SLC25A20: variants seen among roughly 807,000 people sequenced by gnomAD.
The protein encoded by SLC25A20 is mitochondrial carnitine/acylcarnitine carrier protein.
SLC25A20 carries 29 observed loss-of-function variants against 39.7 expected under a neutral mutation model. The observed-to-expected ratio is 0.73, with a 90% CI of 0.54 to 1.00. The LOEUF (loss-of-function observed/expected upper bound fraction) is 1.00. Ranked by LOEUF, SLC25A20 falls within the 50% of genes least tolerant of loss-of-function variation. SLC25A20 has a pLI of 0.00. For missense variants in SLC25A20, 333 were observed against 379.9 expected (o/e 0.88, Z 1.03); for synonymous variants, 103 against 142.2 (o/e 0.72, Z 1.96).
At chr3:48,897,076 CT>C (rs11390016) in intron 1 of SLC25A20, among the ~76,000 whole-genome samples, 67 of 129,542 alleles carry the variant, frequency 5.2e-4, no homozygotes, top group Middle Eastern at 4.1e-3. Flanking sequence ...TCTTCTTCTC[CT>C]TTTTTTTTTT....
chr3:48,871,215 T>C (rs186092757), intron 4 of SLC25A20, among the ~76,000 whole-genome samples: 8 of 152,142 alleles, frequency 5.3e-5, no homozygotes, highest in East Asian at 3.9e-4. Context: ...TCTGCCCGAA[T>C]TGATCTGTAC....
In SLC25A20 at chr3:48,898,550, T is replaced by G. The variant is rs2083926550; in HGVS notation, c.105+140A>C. On this transcript the variant is annotated intron_variant, in intron 1 of 8. Transcript: ENST00000319017. ...CAAGGTACAGCTTCCTGCCCACCCC[T>G]GAAAGAGAGATTCCCTAGACTTCTC... 5.8e-6 allele frequency: 5 copies of G among 867,942 alleles called. No homozygotes were observed. In the South Asian group the frequency reaches 7.2e-5, roughly 12 times the overall value. The allele number at this position is 867,942 out of a possible 1,614,324, so 53.8% of individuals were successfully genotyped here.
chr3:48,885,378 T>C (rs2083822417), intron 2 of SLC25A20, among the ~76,000 whole-genome samples: 1 of 151,976 alleles, frequency 6.6e-6, no homozygotes, highest in African/African-American at 2.4e-5. Context: ...ACGAGGAAGA[T>C]TCAGGACCTG....
chr3:48,858,812 T>A, intron 7 of SLC25A20, 181 bp from the exon 8 acceptor site: 1 of 777,910 alleles, frequency 1.3e-6, no homozygotes, highest in South Asian at 1.6e-5. Context: ...GCCAAGGGAA[T>A]AGAAACGAGG....
chr3:48,863,534 C>T (rs2083642462), intron 4 of SLC25A20, among the ~76,000 whole-genome samples: 1 of 152,152 alleles, frequency 6.6e-6, no homozygotes, highest in Non-Finnish European at 1.5e-5. Context: ...ATCTGAAAGA[C>T]AGCTCCATGC....
intron 3 of SLC25A20, among the ~76,000 whole-genome samples, chr3:48,880,728 C>T (rs1005571656): frequency 1.3e-5 from 2 of 151,490 alleles, no homozygotes; most frequent in African/African-American, 4.8e-5. Context: ...ACAGGCAAGC[C>T]GGGCTAATTT....
chr3:48,886,230 A>G (rs2106660456), intron 2 of SLC25A20, among the ~76,000 whole-genome samples: 1 of 152,250 alleles, frequency 6.6e-6, no homozygotes, highest in East Asian at 1.9e-4. Flanking sequence ...AATGTATAAA[A>G]TATAATAGTA....
At chr3:48,860,872 C>T (rs183627937) in intron 5 of SLC25A20, among the ~76,000 whole-genome samples, 4 of 146,264 alleles carry the variant, frequency 2.7e-5, no homozygotes, top group Admixed American at 1.4e-4. Context: ...CTCGCTCTCT[C>T]GCCCAGGCTG....
intron 4 of SLC25A20, among the ~76,000 whole-genome samples, chr3:48,877,399 C>T (rs559251709): frequency 6.6e-6 from 1 of 150,626 alleles, no homozygotes; most frequent in East Asian, 2.0e-4. Flanking sequence ...CCAGCCTGGG[C>T]AACAAGAGCG....
chr3:48,867,306 C>A (rs1288988329), intron 4 of SLC25A20, among the ~76,000 whole-genome samples: 1 of 151,358 alleles, frequency 6.6e-6, no homozygotes, highest in Non-Finnish European at 1.5e-5. Flanking sequence ...AGTGCAGTGG[C>A]GAGATCTCGG....
chr3:48,872,451 T>G (rs1365821090), intron 4 of SLC25A20, among the ~76,000 whole-genome samples: 1 of 151,256 alleles, frequency 6.6e-6, no homozygotes, highest in East Asian at 1.9e-4. Flanking sequence ...TTTTAAAAGG[T>G]GCAAACACAG....
intron 4 of SLC25A20, among the ~76,000 whole-genome samples, chr3:48,863,770 A>G (rs2083644144): frequency 1.3e-5 from 2 of 152,246 alleles, no homozygotes; most frequent in South Asian, 4.1e-4. Flanking sequence ...TAATCCCAGC[A>G]CTTTGGGAGG....
intron 1 of SLC25A20, chr3:48,895,933 A>C (rs2106669719): frequency 2.9e-6 from 1 of 345,670 alleles, no homozygotes; most frequent in Admixed American, 3.3e-5. Context: ...TGAGGCCACG[A>C]GTTTGAGACC....
intron 4 of SLC25A20, among the ~76,000 whole-genome samples, chr3:48,870,678 TA>T (rs1559666404): frequency 6.6e-6 from 1 of 150,522 alleles, no homozygotes. Context: ...CATGCCCAGC[TA>T]ATTTTTTTTT....
At chr3:48,884,744 G>A (rs1049585990) in intron 2 of SLC25A20, among the ~76,000 whole-genome samples, 2 of 152,020 alleles carry the variant, frequency 1.3e-5, no homozygotes, top group African/African-American at 4.8e-5. Context: ...ATACTCAGAG[G>A]TGTAAAAAGA....
At chr3:48,888,615 A>G (rs2083851984) in intron 2 of SLC25A20, among the ~76,000 whole-genome samples, 3 of 150,788 alleles carry the variant, frequency 2.0e-5, no homozygotes, top group South Asian at 4.1e-4. Flanking sequence ...ATAAATAAAT[A>G]GTTTAAAAAG....
chr3:48,890,981 T>C (rs1362919049), intron 2 of SLC25A20, among the ~76,000 whole-genome samples: 1 of 151,164 alleles, frequency 6.6e-6, no homozygotes, highest in Non-Finnish European at 1.5e-5. Flanking sequence ...TCAATAAATA[T>C]CAGCGCGCCC....
intron 4 of SLC25A20, among the ~76,000 whole-genome samples, chr3:48,865,488 G>A (rs1267799730): frequency 2.0e-5 from 3 of 151,512 alleles, no homozygotes; most frequent in Admixed American, 6.6e-5. Flanking sequence ...AAGGCTGGGT[G>A]CGGTGACTTA....
intron 2 of SLC25A20, among the ~76,000 whole-genome samples, chr3:48,888,570 AAAATAAATAAATAAATAAATAAAT>A (rs35871910): frequency 7.0e-6 from 1 of 142,114 alleles, no homozygotes; most frequent in African/African-American, 2.6e-5. Flanking sequence ...CTCTTGTCTC[AAAATAAATAAATAAATAAATAAAT>A]AAATAAATAA....
Sources: allele counts gnomAD v4.1 joint callset (sites outside exome capture counted in the v4.1 genomes callset), GRCh38; gene constraint gnomAD v4.1.1; transcripts MANE v1.5; gene names NCBI Gene and HGNC (gene_info 2026-07-23, HGNC 2026-07-21).